ADAMTS6: variants seen among roughly 807,000 people sequenced by gnomAD.
ADAMTS6 encodes A disintegrin and metalloproteinase with thrombospondin motifs 6.
ADAMTS6 carries 23 observed loss-of-function variants against 144.3 expected under a neutral mutation model. The observed-to-expected ratio is 0.16, with a 90% confidence interval of 0.11 to 0.23. The LOEUF is 0.23. Ranked by LOEUF, ADAMTS6 falls within the 10% of genes least tolerant of loss-of-function variation. The pLI, the probability that ADAMTS6 is intolerant of heterozygous loss-of-function variation, is 1.00. For missense variants in ADAMTS6, 999 were observed against 1,379.6 expected, an observed-to-expected ratio of 0.72 and a Z score of 4.37; for synonymous variants, 444 against 457.5, an observed-to-expected ratio of 0.97 and a Z score of 0.38.
chr5:65,267,657 T>C lies in ADAMTS6; in HGVS notation c.1621-4695A>G, dbSNP rs193289974. Among the ~76,000 whole-genome samples, 22 of 152,236 alleles carry C rather than the reference T, an allele frequency of 1.4e-4. No individual in the cohort carries two copies. The East Asian group carries it at 3.1e-3, about 21-fold the overall frequency. On this transcript the variant is annotated intron_variant, in intron 12 of 24. Coordinates refer to ENST00000381055, the MANE Select transcript of ADAMTS6 (RefSeq NM_197941.4). ...AATCAAATAATTTAACTTTGAAAAT[T>C]TGTCACATTTCCATGAAGGAAAACT...
intron 7 of ADAMTS6, among the ~76,000 whole-genome samples, chr5:65,367,078 A>G (rs1312057067): frequency 5.9e-5 from 7 of 117,850 alleles, no homozygotes; most frequent in African/African-American, 2.5e-4. Context: ...TCCTTAAAAA[A>G]TTAGAGATAA....
In ADAMTS6 at chr5:65,402,699, C is replaced by T. The variant is rs569288053; in HGVS notation, c.1073+48776G>A. 3.8e-4 allele frequency among the ~76,000 whole-genome samples: 58 copies of T among 152,192 alleles called. No individual in the cohort carries two copies. The South Asian group carries it at 0.011, about 28-fold the overall frequency. On this transcript the variant is annotated intron_variant, in intron 7 of 24. Coordinates refer to ENST00000381055, the MANE Select transcript of ADAMTS6 (RefSeq NM_197941.4). ...AGGCTCCTATCCAAGGACACCCCCC[C>T]CCATATTTGGCGCTGGATCCCTTCC...
At chr5:65,295,888 G>T (rs1742788513) in intron 10 of ADAMTS6, among the ~76,000 whole-genome samples, 1 of 151,866 alleles carries the variant, frequency 6.6e-6, no homozygotes, top group African/African-American at 2.4e-5. Context: ...AATTTAGAGA[G>T]GTCTTATTTA....
intron 7 of ADAMTS6, among the ~76,000 whole-genome samples, chr5:65,350,309 T>G (rs1020258089): frequency 2.0e-5 from 3 of 152,210 alleles, no homozygotes; most frequent in African/African-American, 7.2e-5. Flanking sequence ...CCTCCATCCT[T>G]CAGGCATAAG....
At chr5:65,188,298 T>G in intron 21 of ADAMTS6, 78 bp from the exon 22 acceptor site, 1 of 1,347,766 alleles carries the variant, frequency 7.4e-7, no homozygotes, top group Non-Finnish European at 1.0e-6. Context: ...TGAAGGCACT[T>G]TCACTGATGG....
intron 9 of ADAMTS6, among the ~76,000 whole-genome samples, chr5:65,326,539 A>G (rs1452003458): frequency 6.6e-6 from 1 of 152,214 alleles, no homozygotes; most frequent in Non-Finnish European, 1.5e-5. Context: ...GTGCAAAACC[A>G]TATTCTACAC....
At chr5:65,391,419 TACACAC>T (rs34581260) in intron 7 of ADAMTS6, among the ~76,000 whole-genome samples, 44,011 of 148,602 alleles carry the variant, frequency 0.3, 6,765 homozygotes, top group South Asian at 0.42. Flanking sequence ...TGTGTCTCTC[TACACAC>T]ACACACACAC....
At position 65,159,436 on chromosome 5, in the gene ADAMTS6, T is replaced by C. The variant is rs1579914438; in HGVS notation, c.3245-7491A>G. Among the ~76,000 whole-genome samples the C allele has an allele frequency of 2.6e-5, 4 of 152,308 alleles. No homozygotes were observed. The South Asian group carries it at 8.3e-4, about 32-fold the overall frequency. On this transcript the variant is annotated intron_variant, in intron 24 of 24. Transcript: ENST00000381055. The stretch of plus-strand genomic sequence containing the variant: ...TCTCTCTCTGTAGCCTCATCTGCAC[T>C]GCCTGCTCATCTCCCAACCCACCGC...
At chr5:65,319,509 A>G (rs1445739293) in intron 9 of ADAMTS6, among the ~76,000 whole-genome samples, 3 of 136,606 alleles carry the variant, frequency 2.2e-5, no homozygotes, top group South Asian at 2.5e-4. Context: ...GTGAAACCCC[A>G]TATCTACCAA....
chr5:65,274,145 T>A (rs1167908408), intron 11 of ADAMTS6, among the ~76,000 whole-genome samples: 1 of 152,128 alleles, frequency 6.6e-6, no homozygotes, highest in African/African-American at 2.4e-5. Flanking sequence ...TACCTCAGCA[T>A]AGGAAAATTA....
At chr5:65,262,104 G>A (rs959949236) in intron 13 of ADAMTS6, among the ~76,000 whole-genome samples, 3 of 152,144 alleles carry the variant, frequency 2.0e-5, no homozygotes, top group Non-Finnish European at 4.4e-5. Context: ...AGTACAACTA[G>A]AGGAACCGTT....
At chr5:65,281,685 TAAC>T (rs1419469587) in intron 11 of ADAMTS6, among the ~76,000 whole-genome samples, 2 of 152,098 alleles carry the variant, frequency 1.3e-5, no homozygotes, top group Non-Finnish European at 2.9e-5. Flanking sequence ...TTGTAAATAT[TAAC>T]AATAATTTAA....
intron 9 of ADAMTS6, among the ~76,000 whole-genome samples, chr5:65,329,147 A>C (rs1039215373): frequency 1.3e-5 from 2 of 152,140 alleles, no homozygotes; most frequent in African/African-American, 4.8e-5. Context: ...CAAAAACTTA[A>C]ATGTGGTGCA....
At chr5:65,190,891 T>G (rs1474906719) in intron 21 of ADAMTS6, among the ~76,000 whole-genome samples, 1 of 152,050 alleles carries the variant, frequency 6.6e-6, no homozygotes, top group African/African-American at 2.4e-5. Context: ...ATTTAAACAG[T>G]TTTGCAATTC....
intron 7 of ADAMTS6, among the ~76,000 whole-genome samples, chr5:65,406,888 A>G (rs899153379): frequency 8.5e-5 from 13 of 152,122 alleles, no homozygotes; most frequent in African/African-American, 2.2e-4. Context: ...TTCTGCATCT[A>G]TTGAAGATCA....
At chr5:65,208,216 A>C (rs931231694) in intron 20 of ADAMTS6, among the ~76,000 whole-genome samples, 4 of 152,218 alleles carry the variant, frequency 2.6e-5, no homozygotes, top group Non-Finnish European at 4.4e-5. Flanking sequence ...TTTTTTGAAG[A>C]CTAAAACTTT....
intron 24 of ADAMTS6, among the ~76,000 whole-genome samples, chr5:65,163,864 G>A (rs2367239): frequency 0.45 from 68,150 of 152,090 alleles, 15,605 homozygotes; most frequent in Admixed American, 0.55. Context: ...TGACTCGCAC[G>A]TAGTAGCATT....
At chr5:65,314,246 T>A (rs1365714554) in intron 9 of ADAMTS6, among the ~76,000 whole-genome samples, 1 of 152,030 alleles carries the variant, frequency 6.6e-6, no homozygotes, top group Non-Finnish European at 1.5e-5. Context: ...GGACTGAACA[T>A]GCGAAGGAAA....
intron 7 of ADAMTS6, among the ~76,000 whole-genome samples, chr5:65,399,306 T>C (rs868204128): frequency 6.6e-6 from 1 of 152,208 alleles, no homozygotes; most frequent in Non-Finnish European, 1.5e-5. Flanking sequence ...TGGGTCTTAT[T>C]TTTCTTATTC....
Sources: gnomAD v4.1 joint callset for allele counts (sites outside exome capture counted in the v4.1 genomes callset) on GRCh38, gnomAD v4.1.1 for gene constraint, MANE v1.5 for transcripts, NCBI Gene and HGNC (gene_info 2026-07-23, HGNC 2026-07-21) for gene names.